SUN3: variants seen among roughly 807,000 people sequenced by gnomAD.
The protein encoded by SUN3 is SUN domain-containing protein 3.
In SUN3, 36 loss-of-function variants were observed where a neutral mutation model predicts 48.2. The ratio of observed to expected loss-of-function variants is 0.75; its 90% CI spans 0.57 to 0.99. The LOEUF (loss-of-function observed/expected upper bound fraction) is 0.99, where lower values mean the gene tolerates loss of function less well. Ranked by LOEUF, SUN3 falls within the 50% of genes least tolerant of loss-of-function variation. The pLI is 0.00. For missense variants in SUN3, 419 were observed against 433.1 expected, an observed-to-expected ratio of 0.97 and a Z score of 0.29; for synonymous variants, 148 against 147.9, an observed-to-expected ratio of 1.00 and a Z score of 0.00.
At chr7:48,002,891 G>T (rs1474895865) in intron 6 of SUN3, among the ~76,000 whole-genome samples, 2 of 152,186 alleles carry the variant, frequency 1.3e-5, no homozygotes, top group Admixed American at 6.5e-5. Context: ...TGCAAACAGG[G>T]ATAGTTTGAC....
In SUN3 at chr7:47,994,360, A is replaced by C; in HGVS notation, c.816T>G (p.Ser272=). ...VTMEHISEKV[S]PSGNISSAPK... is the part of the protein sequence containing the mutation. ...GTGCACTGGAGATGTTTCCTGACGGAGACACCTTCTCTGAGATGTGCTCCA... is the reference window on the plus strand; with the variant it reads ...GTGCACTGGAGATGTTTCCTGACGGCGACACCTTCTCTGAGATGTGCTCCA... Residue 272 remains serine, a synonymous_variant, in exon 8 of 10, where the codon TCT becomes TCG. Coordinates refer to ENST00000297325, the MANE Select transcript of SUN3 (RefSeq NM_001030019.2). 1 of 1,613,668 alleles carries C rather than the reference A, an allele frequency of 6.2e-7. No individual in the cohort carries two copies. The highest frequency in any genetic ancestry group is 8.5e-7 in the Non-Finnish European group (1 of 1,179,902).
intron 6 of SUN3, among the ~76,000 whole-genome samples, chr7:48,005,698 C>T (rs1254834825): frequency 1.3e-5 from 2 of 151,936 alleles, no homozygotes; most frequent in African/African-American, 4.8e-5. Flanking sequence ...GTGCCTTCCA[C>T]AACTTCACTG....
chr7:48,025,571 T>A (rs555156504), intron 2 of SUN3, among the ~76,000 whole-genome samples: 1 of 152,246 alleles, frequency 6.6e-6, no homozygotes, highest in African/African-American at 2.4e-5. Context: ...AGGTAAAATG[T>A]ATGTTTGCAA....
intron 3 of SUN3, among the ~76,000 whole-genome samples, chr7:48,011,595 C>A (rs1413340577): frequency 2.0e-5 from 3 of 152,136 alleles, no homozygotes; most frequent in African/African-American, 7.2e-5. Flanking sequence ...CAATTTGTTT[C>A]TTTTTTCTGT....
intron 3 of SUN3, among the ~76,000 whole-genome samples, chr7:48,013,099 C>A (rs1789726070): frequency 6.6e-6 from 1 of 152,092 alleles, no homozygotes; most frequent in African/African-American, 2.4e-5. Context: ...TGGCATGTGA[C>A]AATAAAATTT....
chr7:47,995,791 A>G (rs146344297), intron 7 of SUN3, among the ~76,000 whole-genome samples: 1,631 of 152,336 alleles, frequency 0.011, 20 homozygotes, highest in African/African-American at 0.037. Context: ...AAATAAAATA[A>G]TCTAGTTTAC....
chr7:48,002,289 A>G (rs1789404085), intron 6 of SUN3, among the ~76,000 whole-genome samples: 1 of 141,544 alleles, frequency 7.1e-6, no homozygotes, highest in Non-Finnish European at 1.5e-5. Context: ...CCTCCCGAGT[A>G]GCTGGGACCA....
chr7:48,021,592 G>C (rs1313736190), intron 2 of SUN3, among the ~76,000 whole-genome samples: 1 of 149,072 alleles, frequency 6.7e-6, no homozygotes, highest in Non-Finnish European at 1.5e-5. Flanking sequence ...TAAATAATCT[G>C]ATAAAAAAAT....
upstream of SUN3, among the ~76,000 whole-genome samples, chr7:48,032,154 G>C (rs1278438873): frequency 6.6e-6 from 1 of 152,202 alleles, no homozygotes. Context: ...CAGAGCTTCA[G>C]TTACAAGAGG....
chr7:48,005,936 TAA>T (rs1583760697), intron 6 of SUN3, 31 bp downstream of exon 6: 5 of 1,433,848 alleles, frequency 3.5e-6, no homozygotes, highest in Admixed American at 2.0e-5. Context: ...CTTTTTTTTT[TAA>T]TGTTCCTCTT....
intron 2 of SUN3, 125 bp downstream of exon 2, chr7:48,025,752 C>A: frequency 1.9e-6 from 1 of 528,022 alleles, no homozygotes; most frequent in South Asian, 3.8e-5. Context: ...TGAGAATGTG[C>A]AGGTCACCTC....
At position 48,017,247 on chromosome 7, in the gene SUN3, T is replaced by C. The variant is rs746192262; in HGVS notation, c.288+15A>G. On this transcript the variant is annotated intron_variant, in intron 3 of 9. Coordinates refer to ENST00000297325, the MANE Select transcript of SUN3 (RefSeq NM_001030019.2). ...TTAAATGAGTGATATACAAAATTAC[T>C]TAACAAAATATCACCTGATATTTAT... The C allele has an allele frequency of 7.0e-7, 1 of 1,425,812 alleles. No individual in the cohort carries two copies. Among genetic ancestry groups the C allele is most frequent in the Non-Finnish European group, 9.8e-7 (1 of 1,024,574 alleles). 88.3% of individuals were successfully genotyped at this position (1,425,812 alleles called of 1,614,324 possible). A position where few individuals can be genotyped will look rare whatever the true frequency, so the allele number is the denominator to read the frequency against.
Position 48,025,879 on chromosome 7 carries a change from A to G in SUN3, c.182T>C (p.Val61Ala), listed in dbSNP as rs111512605. Residue 61 changes from valine (V) to alanine (A), a missense_variant and splice_region_variant, in exon 2 of 10, where the codon GTA becomes GCA. Coordinates refer to ENST00000297325, the MANE Select transcript of SUN3 (RefSeq NM_001030019.2). ...GATCATTACTTAGGAAGACTTACCT[A>G]CAAGAAGAAAAGTCAGTGTAAGCAT... ...STMLTLTFLLVGLLNHQWLKE... is the reference protein window; with the variant it reads ...STMLTLTFLLAGLLNHQWLKE... The G allele has an allele frequency of 5.4e-4, 857 of 1,596,000 alleles. 12 individuals carry two copies. In the African/African-American group the frequency reaches 0.01, roughly 19 times the overall value.
intron 8 of SUN3, chr7:47,991,110 TCTGGCCATGCTGCCCAGG>T (rs1464435205): frequency 2.2e-6 from 1 of 448,016 alleles, no homozygotes; most frequent in Non-Finnish European, 4.4e-6. Flanking sequence ...AAAAACGGGG[TCTGGCCATGCTGCCCAGG>T]CTGGCCTCGA....
At chr7:48,032,681 T>G (rs1351690129), upstream of SUN3, among the ~76,000 whole-genome samples, 4 of 152,216 alleles carry the variant, frequency 2.6e-5, no homozygotes, top group Admixed American at 6.5e-5. Flanking sequence ...GCCCCTCCAG[T>G]TGGTGGAACC....
At position 47,991,165 on chromosome 7, in the gene SUN3, CTTTAGCCT is replaced by C. The variant is rs1383369313; in HGVS notation, c.862-2293_862-2286del. 1.0e-5 allele frequency: 4 copies of C among 395,866 alleles called. No homozygotes were observed. The East Asian group carries it at 2.2e-4, about 22-fold the overall frequency. The allele number at this position is 395,866 out of a possible 1,614,324, so 24.5% of individuals were successfully genotyped here. ...TTCCTGGGCTCCAGTGATCCTCCTG[CTTTAGCCT>C]TTTAAGGAGCTGGGATCACAGGAGC... On this transcript the variant is annotated intron_variant, in intron 8 of 9. Transcript: ENST00000297325.
At chr7:47,995,820 T>G (rs1263998990) in intron 7 of SUN3, among the ~76,000 whole-genome samples, 1 of 152,186 alleles carries the variant, frequency 6.6e-6, no homozygotes, top group Admixed American at 6.5e-5. Context: ...AAATGATAAA[T>G]AAGTAAATAA....
chr7:48,029,373 CA>C (rs1428302945), upstream of SUN3, among the ~76,000 whole-genome samples: 4 of 152,332 alleles, frequency 2.6e-5, no homozygotes, highest in African/African-American at 9.6e-5. Flanking sequence ...CCCTGAATCT[CA>C]GCACTCTTAT....
intron 2 of SUN3, among the ~76,000 whole-genome samples, chr7:48,017,621 G>C (rs1248904411): frequency 1.3e-5 from 2 of 152,136 alleles, no homozygotes; most frequent in East Asian, 3.8e-4. Context: ...ACCTACAGCA[G>C]CCAGATAACT....
Sources: gnomAD v4.1 joint callset for allele counts (sites outside exome capture counted in the v4.1 genomes callset) on GRCh38, gnomAD v4.1.1 for gene constraint, MANE v1.5 for transcripts, NCBI Gene and HGNC (gene_info 2026-07-23, HGNC 2026-07-21) for gene names.